The following GRIP2 variants were observed in gnomAD, a reference collection of about 807,000 sequenced individuals.
GRIP2 encodes the protein glutamate receptor interacting protein 2, also known as glutamate receptor-interacting protein 2.
In GRIP2, 58 loss-of-function variants were observed where a neutral mutation model predicts 108.3. That is an observed-to-expected ratio of 0.54 (90% CI 0.43 to 0.67). The LOEUF (loss-of-function observed/expected upper bound fraction) is 0.67. Ranked by LOEUF, GRIP2 falls within the 30% of genes least tolerant of loss-of-function variation. GRIP2 has a pLI of 0.00. For missense variants in GRIP2, 1,278 were observed against 1,430.6 expected (o/e 0.89, Z 1.72); for synonymous variants, 586 against 598.2 (o/e 0.98, Z 0.30).
At chr3:14,534,758 G>T (rs771641101) in intron 1 of GRIP2, among the ~76,000 whole-genome samples, 84 of 152,118 alleles carry the variant, frequency 5.5e-4, no homozygotes, top group Non-Finnish European at 1.0e-3. Context: ...AGCCGGGGTG[G>T]GTGGCCTTCT....
At chr3:14,584,600 A>G in the GRIP2 span, among the ~76,000 whole-genome samples, 2 of 152,214 alleles carry the variant, frequency 1.3e-5, no homozygotes, top group African/African-American at 4.8e-5. Context: ...GGTAGGCAGC[A>G]GCCTGGGACC....
rs1411902797 is a variant in GRIP2 at position 14,511,971 on chromosome 3, TCAA to T, written c.1721-495_1721-493del. On this transcript the variant is annotated intron_variant, in intron 14 of 23. Transcript: ENST00000621039. The surrounding 1 kb of genome is among the most constrained non-coding windows in gnomAD (Gnocchi z 4.1). ...GCTGGCACTCCAGTGGTGGTCACAA[TCAA>T]CAACATTTAAACACCGATGAAGTGA... 6.6e-6 allele frequency among the ~76,000 whole-genome samples: 1 copy of T among 152,132 alleles called. No individual in the cohort carries two copies. The highest frequency in any genetic ancestry group is 1.5e-5 in the Non-Finnish European group (1 of 68,016).
chr3:14,551,417 G>A (rs2124979492), intron 1 of GRIP2, among the ~76,000 whole-genome samples: 1 of 152,300 alleles, frequency 6.6e-6, no homozygotes, highest in Non-Finnish European at 1.5e-5. Context: ...GCTCTGCCTG[G>A]CTCAGACCTC....
intron 1 of GRIP2, among the ~76,000 whole-genome samples, chr3:14,551,677 A>C (rs1441337903): frequency 6.6e-6 from 1 of 152,140 alleles, no homozygotes. Context: ...CAGTGGCCAC[A>C]TGTTGGGAAT....
At chr3:14,572,611 C>CAAAAAAAAAAAAAAAAA in the GRIP2 span, among the ~76,000 whole-genome samples, 182 of 46,928 alleles carry the variant, frequency 3.9e-3, 10 homozygotes, top group Admixed American at 4.5e-3. Flanking sequence ...GACTCCGTCT[C>CAAAAAAAAAAAAAAAAA]AAAAAAAAAA....
rs1694453509 is a variant in GRIP2 at position 14,522,946 on chromosome 3, A to C, written c.566+54T>G. On this transcript the variant is annotated intron_variant, in intron 6 of 23. Transcript: ENST00000621039. This position sits in a 1 kb window ranked among gnomAD's most constrained non-coding sequence, Gnocchi z 4.3. ...GGTGACCCCACTCCACCTTCTTCGC[A>C]GGGGAGTTGGGGCAGGTCAGTGCAG... The C allele has an allele frequency of 1.2e-5, 17 of 1,466,942 alleles. No individual in the cohort carries two copies. The highest frequency in any genetic ancestry group is 1.6e-5 in the Non-Finnish European group (17 of 1,046,096). The allele number at this position is 1,466,942 out of a possible 1,614,324, so 90.9% of individuals were successfully genotyped here.
At chr3:14,601,447 C>T in the GRIP2 span, among the ~76,000 whole-genome samples, 1 of 152,262 alleles carries the variant, frequency 6.6e-6, no homozygotes, top group South Asian at 2.1e-4. Flanking sequence ...AGCCCTTCTC[C>T]CCTGCCTCCT....
chr3:14,496,890 G>A (rs1693623039), intron 21 of GRIP2, among the ~76,000 whole-genome samples: 1 of 151,764 alleles, frequency 6.6e-6, no homozygotes, highest in African/African-American at 2.4e-5. Flanking sequence ...CTTTACAGAT[G>A]AGGAAACTGT....
chr3:14,546,690 C>T (rs558598320), upstream of GRIP2, among the ~76,000 whole-genome samples: 1 of 152,242 alleles, frequency 6.6e-6, no homozygotes, highest in African/African-American at 2.4e-5. Context: ...GGCAAATGAC[C>T]CCAAGTTCAT....
the GRIP2 span, among the ~76,000 whole-genome samples, chr3:14,579,018 G>C: frequency 6.6e-6 from 1 of 152,164 alleles, no homozygotes; most frequent in African/African-American, 2.4e-5. Context: ...TTGCGTATCA[G>C]TGTTTAGGGT....
At chr3:14,580,697 G>A in the GRIP2 span, among the ~76,000 whole-genome samples, 2 of 152,144 alleles carry the variant, frequency 1.3e-5, no homozygotes, top group African/African-American at 4.8e-5. Context: ...ATGAGACCCT[G>A]TCTCAAAAAC....
chr3:14,508,884 G>A lies in GRIP2; in HGVS notation c.2078+936C>T, dbSNP rs117505954. ...TAGAAAGTGTCTGATTAAATTTGTG[G>A]CTCAAATTATATTTCAGTTGGACAG... On this transcript the variant is annotated intron_variant, in intron 17 of 23. Coordinates refer to ENST00000621039, the MANE Select transcript of GRIP2 (RefSeq NM_001080423.4). 8.1e-3 allele frequency among the ~76,000 whole-genome samples: 1,227 copies of A among 152,196 alleles called. 7 individuals are homozygous for A. Among genetic ancestry groups the A allele is most frequent in the East Asian group, 0.027 (142 of 5,188 alleles).
At chr3:14,549,676 GC>G in intron 1 of GRIP2, among the ~76,000 whole-genome samples, 1 of 152,270 alleles carries the variant, frequency 6.6e-6, no homozygotes, top group East Asian at 1.9e-4. Flanking sequence ...ATCCCGGCTG[GC>G]CCCCAGCTGG....
At chr3:14,591,782 A>G in the GRIP2 span, among the ~76,000 whole-genome samples, 1 of 152,194 alleles carries the variant, frequency 6.6e-6, no homozygotes, top group South Asian at 2.1e-4. Flanking sequence ...TTCTGGGAGT[A>G]CACGCCATTC....
intron 1 of GRIP2, among the ~76,000 whole-genome samples, chr3:14,552,743 C>A (rs569312525): frequency 2.1e-3 from 315 of 152,164 alleles, no homozygotes; most frequent in African/African-American, 7.4e-3. Context: ...CAGGCGTGCG[C>A]CACCACACAT....
chr3:14,523,638 C>A lies in GRIP2; in HGVS notation c.464G>T (p.Gly155Val), dbSNP rs1042874696. ...TCTAAGGACAAAGCCAAAGCTATTG[C>A]CCTCCTTGTAGAGGGAGACGTCCAC... ...KTVDVSLYKE[G>V]NSFGFVLRGG... is the part of the protein sequence containing the mutation. Residue 155 changes from glycine to valine, a missense_variant, in exon 5 of 24, where the codon GGC becomes GTC. Physicochemically the swap from Gly to Val is moderately radical, Grantham distance 109. Coordinates refer to ENST00000621039, the MANE Select transcript of GRIP2 (RefSeq NM_001080423.4). The A allele has an allele frequency of 4.3e-6, 7 of 1,611,798 alleles. No individual in the cohort carries two copies. The African/African-American group carries it at 9.3e-5, about 22-fold the overall frequency.
At chr3:14,592,586 T>C in the GRIP2 span, among the ~76,000 whole-genome samples, 2 of 152,186 alleles carry the variant, frequency 1.3e-5, no homozygotes, top group African/African-American at 4.8e-5. Flanking sequence ...CGGTTTGGGC[T>C]CTTTTCCCTG....
intron 9 of GRIP2, 127 bp downstream of exon 9, chr3:14,519,983 G>T: frequency 1.1e-6 from 1 of 924,296 alleles, no homozygotes; most frequent in Non-Finnish European, 1.6e-6. Context: ...GCTTCCCTGG[G>T]CAAATGAGGA....
chr3:14,564,469 C>T, the GRIP2 span, among the ~76,000 whole-genome samples: 70 of 152,292 alleles, frequency 4.6e-4, no homozygotes, highest in African/African-American at 1.6e-3. Flanking sequence ...GACGGCCTGC[C>T]GAGGGGGTTC....
Sources: gnomAD v4.1 joint callset for allele counts (sites outside exome capture counted in the v4.1 genomes callset) on GRCh38, gnomAD v4.1.1 for gene constraint, Gnocchi (gnomAD v3.1) non-coding constraint, MANE v1.5 for transcripts, NCBI Gene and HGNC (gene_info 2026-07-23, HGNC 2026-07-21) for gene names.